The following CHN1 variants were observed in gnomAD, a reference collection of about 807,000 sequenced individuals.
The protein encoded by CHN1 is N-chimaerin.
A neutral mutation model predicts 59.5 loss-of-function variants in CHN1; 37 were observed. The ratio of observed to expected loss-of-function variants is 0.62; its 90% confidence interval spans 0.48 to 0.82. The LOEUF (loss-of-function observed/expected upper bound fraction) is 0.82. CHN1 is among the 40% of genes least tolerant of loss of function. The probability of loss-of-function intolerance (pLI) is 0.00; values close to 1 mark genes in which losing one functional copy is unlikely to be tolerated. For missense variants in CHN1, 469 were observed against 571.0 expected (o/e 0.82, Z 1.82); for synonymous variants, 206 against 200.4 (o/e 1.03, Z -0.24).
chr2:174,905,920 G>C (rs536463663), intron 5 of CHN1, among the ~76,000 whole-genome samples: 1 of 152,264 alleles, frequency 6.6e-6, no homozygotes, highest in African/African-American at 2.4e-5. Context: ...TCTTTAATGA[G>C]ATAGCACTTC....
chr2:174,846,481 A>G, intron 7 of CHN1: 1 of 1,461,050 alleles, frequency 6.8e-7, no homozygotes, highest in Non-Finnish European at 9.0e-7. Context: ...ATGCAACAGC[A>G]CATGCCTCTT....
Position 174,883,119 on chromosome 2 carries a change from T to C in CHN1, c.261-4991A>G, listed in dbSNP as rs982531588. On this transcript the variant is annotated intron_variant, in intron 5 of 12. Coordinates refer to ENST00000409900, the MANE Select transcript of CHN1 (RefSeq NM_001822.7). ...CTAAACTTCCAAAGAAGCCATCTTC[T>C]GAACAGTGGAACTCACATAGCTCTG... Among the ~76,000 whole-genome samples, 3 of 152,324 alleles carry C rather than the reference T, an allele frequency of 2.0e-5. No homozygotes were observed. In the East Asian group the frequency reaches 5.8e-4, roughly 29 times the overall value.
At chr2:174,899,341 A>G (rs1688316411) in intron 5 of CHN1, among the ~76,000 whole-genome samples, 1 of 152,226 alleles carries the variant, frequency 6.6e-6, no homozygotes, top group South Asian at 2.1e-4. Flanking sequence ...AAACACTTAC[A>G]TCCTGTGAAT....
At chr2:174,898,554 A>T (rs1222964676) in intron 5 of CHN1, among the ~76,000 whole-genome samples, 2 of 152,184 alleles carry the variant, frequency 1.3e-5, no homozygotes, top group East Asian at 3.8e-4. Context: ...CAGTGACCCA[A>T]GATCGCGCCA....
At chr2:174,892,694 A>G (rs758135706) in intron 5 of CHN1, among the ~76,000 whole-genome samples, 34 of 152,182 alleles carry the variant, frequency 2.2e-4, no homozygotes, top group Non-Finnish European at 4.3e-4. Context: ...CTTGATGAAT[A>G]TTGAAACAGA....
intron 3 of CHN1, among the ~76,000 whole-genome samples, chr2:174,941,650 C>G (rs542677113): frequency 2.6e-5 from 4 of 152,122 alleles, no homozygotes; most frequent in African/African-American, 9.7e-5. Flanking sequence ...ACATGTTGAA[C>G]GTTTGATCAT....
At chr2:174,812,593 G>A in intron 8 of CHN1, 111 bp from the exon 9 acceptor site, 8 of 849,154 alleles carry the variant, frequency 9.4e-6, no homozygotes, top group South Asian at 3.6e-5. Context: ...GTTTTAAAGT[G>A]GACTAGACTC....
At chr2:174,821,896 C>T (rs779106150) in intron 8 of CHN1, 42 of 267,538 alleles carry the variant, frequency 1.6e-4, no homozygotes, top group Non-Finnish European at 2.6e-4. Flanking sequence ...CAACATTCTT[C>T]GTGCCATGAA....
At chr2:174,923,401 A>C (rs1009786311) in intron 3 of CHN1, among the ~76,000 whole-genome samples, 1 of 152,216 alleles carries the variant, frequency 6.6e-6, no homozygotes, top group African/African-American at 2.4e-5. Context: ...CGGCCTCCCA[A>C]AGTGCTGGGA....
chr2:174,935,347 T>C (rs1378926543), intron 3 of CHN1, among the ~76,000 whole-genome samples: 4 of 152,176 alleles, frequency 2.6e-5, no homozygotes, highest in African/African-American at 9.7e-5. Flanking sequence ...GCTGACTGAA[T>C]GAACAAATAC....
rs1373253135 is a variant in CHN1, at chr2:174,799,275, T to C, written c.*841A>G. 3.2e-6 allele frequency: 1 copy of C among 309,256 alleles called. No homozygotes were observed. 19.2% of individuals were successfully genotyped at this position (309,256 alleles called of 1,614,324 possible). A position where few individuals can be genotyped will look rare whatever the true frequency, so the allele number is the denominator to read the frequency against. ...ACTGTAAGCAGTTTTAAATGATTAT[T>C]TTAGAAGCTTATCACTTTTAACAGT... On this transcript the variant is annotated 3_prime_UTR_variant, in exon 13 of 13. Transcript: ENST00000409900.
intron 5 of CHN1, among the ~76,000 whole-genome samples, chr2:174,894,706 T>A (rs772084661): frequency 2.8e-4 from 43 of 152,108 alleles, no homozygotes; most frequent in Admixed American, 1.3e-4. Flanking sequence ...ATAGCCAAGA[T>A]GTGAAAGCAA....
intron 6 of CHN1, chr2:174,847,313 C>A: frequency 7.6e-7 from 1 of 1,320,030 alleles, no homozygotes; most frequent in Non-Finnish European, 9.6e-7. Flanking sequence ...GTCGACTAAC[C>A]AGCAAATTCT....
Position 174,830,036 on chromosome 2 carries a change from T to C in CHN1, c.628-5518A>G, listed in dbSNP as rs191801319. Among the ~76,000 whole-genome samples the C allele has an allele frequency of 1.7e-3, 265 of 152,128 alleles. 1 individual carries two copies. Among genetic ancestry groups the C allele is most frequent in the African/African-American group, 6.0e-3 (251 of 41,516 alleles). The stretch of plus-strand genomic sequence containing the variant: ...TCACGAGGTCAAGAGATCGAGACTA[T>C]CTTGGCTAACAACGGTGAAACCCCA... On this transcript the variant is annotated intron_variant, in intron 7 of 12. Coordinates refer to ENST00000409900, the MANE Select transcript of CHN1 (RefSeq NM_001822.7).
chr2:174,846,918 C>T lies in CHN1; in HGVS notation c.589G>A (p.Glu197Lys), dbSNP rs773684607. Residue 197 changes from glutamate (E) to lysine (K), a missense_variant, in exon 7 of 13, where the codon GAG becomes AAG. Glu to Lys is a moderately conservative substitution (Grantham distance 56). Around this residue, in one of 5 missense-constraint regions of CHN1, gnomAD observed 81 missense variants for 71.7 expected, o/e 1.13. Transcript: ENST00000409900. ...LVRRATLKEN[E>K]QIPKYEKIHN... is the part of the protein sequence containing the mutation. ...ATCTTTTCATATTTTGGAATTTGCT[C>T]GTTTTCTTTCAGAGTTGCTCTTCTA... The T allele has an allele frequency of 2.5e-5, 39 of 1,552,442 alleles. No homozygotes were observed. Among genetic ancestry groups the T allele is most frequent in the East Asian group, 9.7e-5 (4 of 41,324 alleles).
chr2:174,825,579 A>G (rs1421135728), intron 7 of CHN1, among the ~76,000 whole-genome samples: 1 of 152,196 alleles, frequency 6.6e-6, no homozygotes, highest in African/African-American at 2.4e-5. Flanking sequence ...TAACTCAGAC[A>G]AAAAAATATT....
chr2:174,845,798 G>T (rs1686489854), intron 7 of CHN1, among the ~76,000 whole-genome samples: 1 of 147,420 alleles, frequency 6.8e-6, no homozygotes, highest in South Asian at 2.2e-4. Flanking sequence ...GGGGGTGTTG[G>T]TATTTAGTGT....
rs1179501591 is a variant in CHN1 at position 175,005,275 on chromosome 2, C to A, written c.-363G>T. The A allele has an allele frequency of 8.6e-7, 1 of 1,163,988 alleles. No individual in the cohort carries two copies. Among genetic ancestry groups the A allele is most frequent in the South Asian group, 2.1e-5 (1 of 48,364 alleles). The allele number at this position is 1,163,988 out of a possible 1,614,324, so 72.1% of individuals were successfully genotyped here. A position where few individuals can be genotyped will look rare whatever the true frequency, so the allele number is the denominator to read the frequency against. On this transcript the variant is annotated 5_prime_UTR_variant, in exon 1 of 13. Transcript: ENST00000409900. Reference sequence around the variant, plus strand: ...GGCGGCGCCGCACTGGCGGCGGCGGCGGCGGCGACGGGGAGAGCAGCAGCA... The same window carrying A: ...GGCGGCGCCGCACTGGCGGCGGCGGAGGCGGCGACGGGGAGAGCAGCAGCA...
At chr2:174,847,698 G>A in intron 6 of CHN1, 3 of 1,209,630 alleles carry the variant, frequency 2.5e-6, no homozygotes, top group Non-Finnish European at 3.3e-6. Flanking sequence ...CAGTATTTAA[G>A]TACTGTATTC....
Sources: allele counts gnomAD v4.1 joint callset (sites outside exome capture counted in the v4.1 genomes callset), GRCh38; gene constraint gnomAD v4.1.1; regional missense constraint gnomAD v4.1.1; transcripts MANE v1.5; gene names NCBI Gene and HGNC (gene_info 2026-07-23, HGNC 2026-07-21).